PADI4: variants seen among roughly 807,000 people sequenced by gnomAD.
PADI4 encodes protein-arginine deiminase type-4.
A neutral mutation model predicts 75.0 loss-of-function variants in PADI4; 62 were observed. The observed-to-expected ratio is 0.83, with a 90% CI of 0.67 to 1.02. PADI4 has a LOEUF of 1.02. Ranked by LOEUF, PADI4 falls within the 50% of genes least tolerant of loss-of-function variation. The pLI is 0.00. For synonymous variants in PADI4, 361 were observed against 348.1 expected, an observed-to-expected ratio of 1.04 and a Z score of -0.41; for missense variants, 845 against 850.5, an observed-to-expected ratio of 0.99 and a Z score of 0.08.
chr1:17,351,959 AGAGGCGGCCAGGGAGGTGATGGGAG>A (rs1242871796), intron 10 of PADI4, among the ~76,000 whole-genome samples: 1,145 of 103,534 alleles, frequency 0.011, 50 homozygotes, highest in Non-Finnish European at 0.015. Context: ...AGGTGGGAGG[AGAGGCGGCCAGGGAGGTGATGGGAG>A]GAGAGGCAGT....
intron 6 of PADI4, 108 bp downstream of exon 6, chr1:17,339,921 C>T: frequency 1.6e-5 from 20 of 1,249,392 alleles, no homozygotes; most frequent in Non-Finnish European, 2.1e-5. Context: ...GTGCCAAGTT[C>T]TAAGAACAGC....
rs556415954 is a variant in PADI4, at chr1:17,318,979, C to A, written c.92+10665C>A. On this transcript the variant is annotated intron_variant, in intron 1 of 15. Transcript: ENST00000375448. ...CTGGGATTACAGGCGGGAGCCACTG[C>A]GCCCAGCCTTTTTTTTTCCTTTTTG... Among the ~76,000 whole-genome samples, 38 of 151,870 alleles carry A rather than the reference C, an allele frequency of 2.5e-4. 1 individual carries two copies. The highest frequency in any genetic ancestry group is 3.7e-4 in the Non-Finnish European group (25 of 67,948).
Position 17,340,860 on chromosome 1 carries a change from G to C in PADI4, c.652+1047G>C, listed in dbSNP as rs184417675. 1.4e-4 allele frequency among the ~76,000 whole-genome samples: 21 copies of C among 149,146 alleles called. No homozygotes were observed. In the East Asian group the frequency reaches 4.0e-3, roughly 28 times the overall value. ...CTGTTGCCCCGGCTGGAGTGCAGTG[G>C]TGCCATCTTGGCTCACTGCAGCCTC... On this transcript the variant is annotated intron_variant, in intron 6 of 15. Transcript: ENST00000375448.
At chr1:17,320,670 T>C (rs2074018430) in intron 1 of PADI4, among the ~76,000 whole-genome samples, 1 of 152,194 alleles carries the variant, frequency 6.6e-6, no homozygotes, top group South Asian at 2.1e-4. Context: ...TAACGAGCAG[T>C]GAGGACGACC....
chr1:17,319,652 T>C (rs149486282), intron 1 of PADI4, among the ~76,000 whole-genome samples: 1,744 of 152,322 alleles, frequency 0.011, 41 homozygotes, highest in African/African-American at 0.04. Context: ...AGGCAGCCCC[T>C]TTTACCCAAA....
chr1:17,338,315 G>A (rs1462980904), intron 5 of PADI4, among the ~76,000 whole-genome samples, 160 bp downstream of exon 5: 1 of 152,146 alleles, frequency 6.6e-6, no homozygotes, highest in Non-Finnish European at 1.5e-5. Flanking sequence ...AGGCCCTCGG[G>A]GGTCAAGTGA....
Position 17,308,668 on chromosome 1 carries a change from AG to A in PADI4, c.92+355del, listed in dbSNP as rs369572196. Among the ~76,000 whole-genome samples the A allele has an allele frequency of 1.7e-3, 258 of 152,296 alleles. 1 individual carries two copies. The highest frequency in any genetic ancestry group is 5.9e-3 in the African/African-American group (245 of 41,550). ...GCACGTGTGCCCTGGAAGTAAGGTT[AG>A]CCCCTGGGCCTCCTGGTTCACAGCA... On this transcript the variant is annotated intron_variant, in intron 1 of 15. Transcript: ENST00000375448.
At chr1:17,339,875 C>G in intron 6 of PADI4, 62 bp downstream of exon 6, 2 of 1,519,326 alleles carry the variant, frequency 1.3e-6, no homozygotes, top group Non-Finnish European at 1.8e-6. Context: ...TCCTGTCACA[C>G]AGCTGTGTGG....
At chr1:17,333,528 G>A (rs753187104) in intron 2 of PADI4, among the ~76,000 whole-genome samples, 28 of 151,820 alleles carry the variant, frequency 1.8e-4, no homozygotes, top group African/African-American at 4.6e-4. Flanking sequence ...CCCAGGACCC[G>A]GCCTTTCCAG....
chr1:17,340,048 G>GCACA (rs1176410041), intron 6 of PADI4, among the ~76,000 whole-genome samples: 1 of 86,242 alleles, frequency 1.2e-5, no homozygotes, highest in Non-Finnish European at 2.5e-5. Flanking sequence ...TCACACACGC[G>GCACA]CGCGCACACA....
intron 8 of PADI4, among the ~76,000 whole-genome samples, chr1:17,344,981 C>T (rs557002048): frequency 1.9e-4 from 29 of 152,186 alleles, no homozygotes; most frequent in Non-Finnish European, 3.7e-4. Flanking sequence ...CAGCTTGCAC[C>T]GTGTGCCTGG....
chr1:17,326,224 C>T (rs994406613), intron 1 of PADI4, among the ~76,000 whole-genome samples: 9 of 152,060 alleles, frequency 5.9e-5, no homozygotes, highest in Non-Finnish European at 1.2e-4. Flanking sequence ...CAACTTTTGG[C>T]TTTATTGATT....
At chr1:17,361,895 G>A (rs2074852919) in intron 15 of PADI4, among the ~76,000 whole-genome samples, 1 of 152,188 alleles carries the variant, frequency 6.6e-6, no homozygotes, top group Admixed American at 6.5e-5. Context: ...GAGTGCCTAC[G>A]ACGTGCAAGG....
chr1:17,355,664 G>A (rs1221553149), intron 11 of PADI4, among the ~76,000 whole-genome samples: 7 of 152,014 alleles, frequency 4.6e-5, no homozygotes, highest in South Asian at 4.1e-4. Context: ...AGAGATCACC[G>A]ACTTAGGTCA....
At chr1:17,314,047 G>A (rs1569976331) in intron 1 of PADI4, among the ~76,000 whole-genome samples, 1 of 152,144 alleles carries the variant, frequency 6.6e-6, no homozygotes, top group African/African-American at 2.4e-5. Flanking sequence ...TCCCCATCTA[G>A]CAGAGAGAGT....
At chr1:17,326,172 G>A (rs934724912) in intron 1 of PADI4, among the ~76,000 whole-genome samples, 4 of 151,332 alleles carry the variant, frequency 2.6e-5, no homozygotes, top group African/African-American at 4.9e-5. Flanking sequence ...CTTGATCAAT[G>A]TTGCCAGAGA....
intron 1 of PADI4, among the ~76,000 whole-genome samples, chr1:17,316,731 TA>T (rs1185979352): frequency 1.6e-5 from 2 of 122,314 alleles, no homozygotes; most frequent in African/African-American, 6.4e-5. Flanking sequence ...ATTAATTAAT[TA>T]AAATAAATAA....
At chr1:17,343,722 G>T (rs2074464247) in intron 8 of PADI4, among the ~76,000 whole-genome samples, 1 of 152,136 alleles carries the variant, frequency 6.6e-6, no homozygotes, top group Non-Finnish European at 1.5e-5. Context: ...TTTATCAGGG[G>T]TTTCCACTTT....
At position 17,356,425 on chromosome 1, in the gene PADI4, C is replaced by T. The variant is rs768540338; in HGVS notation, c.1524C>T (p.Gly508=). The change falls in exon 13 of 16, where the codon GGC becomes GGT. Residue 508 remains glycine (G), a synonymous_variant. Coordinates refer to ENST00000375448, the MANE Select transcript of PADI4 (RefSeq NM_012387.3). This position sits in a 1 kb window ranked among gnomAD's most constrained non-coding sequence, Gnocchi z 4.1. The part of the protein sequence containing the change: ...YKLFQEQQNE[G]HGEALLFEGI... ...TGTTCCAGGAGCAGCAGAATGAGGGCCACGGGGAGGCCCTGCTGTTCGAAG... is the reference window on the plus strand; with the variant it reads ...TGTTCCAGGAGCAGCAGAATGAGGGTCACGGGGAGGCCCTGCTGTTCGAAG... The T allele has an allele frequency of 4.2e-5, 67 of 1,612,798 alleles. No homozygotes were observed. The highest frequency in any genetic ancestry group is 5.7e-5 in the Non-Finnish European group (67 of 1,179,004).
Sources: gnomAD v4.1 joint callset for allele counts (sites outside exome capture counted in the v4.1 genomes callset) on GRCh38, gnomAD v4.1.1 for gene constraint, Gnocchi (gnomAD v3.1) non-coding constraint, MANE v1.5 for transcripts, NCBI Gene and HGNC (gene_info 2026-07-23, HGNC 2026-07-21) for gene names.